Variants in CAD observed in about 807,000 individuals in gnomAD.
CAD encodes the protein multifunctional protein CAD.
Under a neutral mutation model 237.2 loss-of-function variants are expected in CAD, and 81 were observed. The ratio of observed to expected loss-of-function variants is 0.34; its 90% CI spans 0.29 to 0.41. The LOEUF (loss-of-function observed/expected upper bound fraction) is 0.41. Ranked by LOEUF, CAD falls within the 10% of genes least tolerant of loss-of-function variation. CAD has a pLI of 1.00. For missense variants in CAD, 2,181 were observed against 2,951.7 expected, an observed-to-expected ratio of 0.74 and a Z score of 6.05; for synonymous variants, 1,196 against 1,162.8, an observed-to-expected ratio of 1.03 and a Z score of -0.58.
chr2:27,237,212 C>G lies in CAD; in HGVS notation c.4397-167C>G, dbSNP rs369888225. Among the ~76,000 whole-genome samples the G allele has an allele frequency of 2.0e-5, 3 of 151,812 alleles. No homozygotes were observed. Among genetic ancestry groups the G allele is most frequent in the African/African-American group, 2.4e-5 (1 of 41,324 alleles). On this transcript the variant is annotated intron_variant, in intron 27 of 43. Coordinates refer to ENST00000264705, the MANE Select transcript of CAD (RefSeq NM_004341.5). The surrounding 1 kb of genome is among the most constrained non-coding windows in gnomAD (Gnocchi z 4.0). ...CTAATTTTTGTGTTTTTAGTAGAGA[C>G]GGGGTTTCACCATGTTGGTCAGGTT...
At position 27,233,236 on chromosome 2, in the gene CAD, G is replaced by A; in HGVS notation, c.2992-76G>A. On this transcript the variant is annotated intron_variant, in intron 19 of 43. Transcript: ENST00000264705. This position sits in a 1 kb window ranked among gnomAD's most constrained non-coding sequence, Gnocchi z 6.3. ...TTCTTTGAAACTTGGTGGCGGCTGA[G>A]GGAAGCAGTGAGCAGGAAGGCTCAG... The A allele has an allele frequency of 6.6e-7, 1 of 1,520,244 alleles. No homozygotes were observed. Among genetic ancestry groups the A allele is most frequent in the African/African-American group, 1.4e-5 (1 of 73,138 alleles). 94.2% of individuals were successfully genotyped at this position (1,520,244 alleles called of 1,614,324 possible).
chr2:27,225,654 C>T (rs767385997), intron 11 of CAD, 51 bp from the exon 12 acceptor site: 24 of 1,363,708 alleles, frequency 1.8e-5, no homozygotes, highest in Non-Finnish European at 2.4e-5. Context: ...GACAGGCACA[C>T]CTTGGACAGT....
At chr2:27,227,519 T>C (rs1317369073) in intron 15 of CAD, 4 of 152,456 alleles carry the variant, frequency 2.6e-5, no homozygotes, top group Admixed American at 6.5e-5. Context: ...TTTAGAGCAG[T>C]AGTGGCCTTT....
chr2:27,238,132 T>C lies in CAD; in HGVS notation c.4805T>C (p.Val1602Ala). The C allele has an allele frequency of 6.2e-7, 1 of 1,614,186 alleles. No individual in the cohort carries two copies. Among genetic ancestry groups the C allele is most frequent in the Non-Finnish European group, 8.5e-7 (1 of 1,180,030 alleles). ...CAAACCGTGGCTGCTGTCCTCATGG[T>C]GGCTCAGCTCACTCAGCGCTCAGTG... is the stretch of plus-strand genomic sequence containing the variant. ...EQQTVAAVLMVAQLTQRSVHI... is the reference protein window; with the variant it reads ...EQQTVAAVLMAAQLTQRSVHI... Residue 1602 changes from valine to alanine, a missense_variant, in exon 30 of 44, where the codon GTG becomes GCG. By Grantham distance (64) the Val-to-Ala change is moderately conservative. Transcript: ENST00000264705.
intron 5 of CAD, 69 bp from the exon 6 acceptor site, chr2:27,222,797 G>C: frequency 2.5e-6 from 4 of 1,581,970 alleles, no homozygotes; most frequent in South Asian, 1.1e-5. Context: ...TCATGGGCTG[G>C]GGGGGCTGCA....
rs1676007229 is a variant in CAD, at chr2:27,236,468, C to T, written c.4259C>T (p.Ala1420Val). The T allele has an allele frequency of 6.2e-7, 1 of 1,613,808 alleles. No individual in the cohort carries two copies. The highest frequency in any genetic ancestry group is 8.5e-7 in the Non-Finnish European group (1 of 1,180,048). Residue 1420 changes from alanine (A) to valine (V), a missense_variant, in exon 26 of 44, where the codon GCT (alanine) becomes GTT (valine). This residue lies in a region of CAD where 306 missense variants were observed against 607.9 expected (regional missense o/e 0.50). Coordinates refer to ENST00000264705, the MANE Select transcript of CAD (RefSeq NM_004341.5). This position sits in a 1 kb window ranked among gnomAD's most constrained non-coding sequence, Gnocchi z 4.1. ...TKGYRTRRLA[A>V]DFSVPLIIDI... Reference sequence around the variant, plus strand: ...GGCTACCGCACCCGACGCTTGGCCGCTGACTTCTCCGTGCCCCTAATCATC... The same window carrying T: ...GGCTACCGCACCCGACGCTTGGCCGTTGACTTCTCCGTGCCCCTAATCATC...
intron 15 of CAD, among the ~76,000 whole-genome samples, chr2:27,228,258 C>T (rs1439070550): frequency 6.6e-6 from 1 of 152,134 alleles, no homozygotes; most frequent in Admixed American, 6.5e-5. Flanking sequence ...AAATAGAAAT[C>T]TAGTTAAATG....
At chr2:27,220,814 C>T (rs977541101) in intron 2 of CAD, among the ~76,000 whole-genome samples, 9 of 151,856 alleles carry the variant, frequency 5.9e-5, no homozygotes, top group Non-Finnish European at 7.4e-5. Flanking sequence ...AAAAATTAGC[C>T]GGGTGTGGTG....
At chr2:27,229,091 G>A (rs1165967305) in intron 15 of CAD, among the ~76,000 whole-genome samples, 1 of 150,980 alleles carries the variant, frequency 6.6e-6, no homozygotes, top group African/African-American at 2.4e-5. Context: ...GCTAATTTTT[G>A]TATTTTTAGT....
In CAD at chr2:27,223,029, C is replaced by G; in HGVS notation, c.801C>G (p.Tyr267Ter). 6.2e-7 allele frequency: 1 copy of G among 1,613,992 alleles called. No homozygotes were observed. The highest frequency in any genetic ancestry group is 1.1e-5 in the South Asian group (1 of 91,076). The change falls in exon 6 of 44, where the codon TAC becomes TAG. Residue 267 changes from tyrosine to a stop codon, truncating the protein, a stop_gained. Coordinates refer to ENST00000264705, the MANE Select transcript of CAD (RefSeq NM_004341.5). LOFTEE classifies it high-confidence loss of function. ...CCTTAGCCATTGGGGCCAAGACTTA[C>G]AAGATGAGGTGGGACTTGTGGGGAG... ...LLALAIGAKT[Y>*]KMRYGNRGHN...
rs1407236290 is a variant in CAD at position 27,217,436 on chromosome 2, C to A, written c.-116C>A. ...TGCCGCGCCCGGCTTCTCTCCAGCG[C>A]CCCGCGCCGTTAGCCACGTGGACCG... is the stretch of plus-strand genomic sequence containing the variant. On this transcript the variant is annotated 5_prime_UTR_variant, in exon 1 of 44. Coordinates refer to ENST00000264705, the MANE Select transcript of CAD (RefSeq NM_004341.5). 2 of 908,526 alleles carry A rather than the reference C, an allele frequency of 2.2e-6. No homozygotes were observed. Among genetic ancestry groups the A allele is most frequent in the Admixed American group, 2.0e-5 (1 of 49,708 alleles). The allele number at this position is 908,526 out of a possible 1,614,324, so 56.3% of individuals were successfully genotyped here.
rs369246319 is a variant in CAD at position 27,242,174 on chromosome 2, G to T, written c.6096+51G>T. On this transcript the variant is annotated intron_variant, in intron 39 of 43. Coordinates refer to ENST00000264705, the MANE Select transcript of CAD (RefSeq NM_004341.5). The surrounding 1 kb of genome is among the most constrained non-coding windows in gnomAD (Gnocchi z 6.4). ...GGGGTTAAGAAGGCTGGACCCAGGG[G>T]CATGAGAACCCTTCTGCCCACGTTT... The T allele has an allele frequency of 1.9e-6, 3 of 1,597,628 alleles. No individual in the cohort carries two copies. The highest frequency in any genetic ancestry group is 1.1e-5 in the South Asian group (1 of 90,370).
At chr2:27,218,069 A>C (rs1674957615) in intron 2 of CAD, 53 bp downstream of exon 2, 30 of 1,499,976 alleles carry the variant, frequency 2.0e-5, no homozygotes, top group Non-Finnish European at 2.6e-5. Context: ...GTAATTGTTA[A>C]CTATTAGTGA....
intron 30 of CAD, 111 bp downstream of exon 30, chr2:27,238,298 G>A (rs1244051418): frequency 1.4e-6 from 2 of 1,478,154 alleles, no homozygotes; most frequent in Non-Finnish European, 1.8e-6. Flanking sequence ...GAGACAGCAG[G>A]AGGAGGGTCT....
chr2:27,239,094 A>C lies in CAD; in HGVS notation c.5115A>C (p.Pro1705=), dbSNP rs777081920. 5.9e-5 allele frequency: 95 copies of C among 1,603,780 alleles called. No homozygotes were observed. The highest frequency in any genetic ancestry group is 7.8e-5 in the Non-Finnish European group (92 of 1,175,718). The stretch of plus-strand genomic sequence containing the variant: ...GGTCCAGGCCCCCACCTGGGTTCCC[A>C]GGGTTAGAGACCATGCTGCCACTAC... ...KCGSRPPPGF[P]GLETMLPLLL... The change falls in exon 32 of 44, where the codon CCA becomes CCC. Residue 1705 remains proline (P), a synonymous_variant. Transcript: ENST00000264705. The surrounding 1 kb of genome is among the most constrained non-coding windows in gnomAD (Gnocchi z 4.0).
chr2:27,218,116 G>A (rs1674961774), intron 2 of CAD, 100 bp downstream of exon 2: 5 of 1,036,750 alleles, frequency 4.8e-6, no homozygotes, highest in Non-Finnish European at 6.9e-6. Context: ...GCATCCTGCA[G>A]AAAACATACC....
In CAD at chr2:27,243,915, C is replaced by G; in HGVS notation, c.*397C>G. The stretch of plus-strand genomic sequence containing the variant: ...ACACTCGGCATTTTCACACTCGTGA[C>G]TCTTTGGGACTCGGCAGGAGCGTGT... On this transcript the variant is annotated 3_prime_UTR_variant, in exon 44 of 44. Coordinates refer to ENST00000264705, the MANE Select transcript of CAD (RefSeq NM_004341.5). 5.1e-6 allele frequency: 1 copy of G among 195,490 alleles called. No homozygotes were observed. Among genetic ancestry groups the G allele is most frequent in the South Asian group, 1.1e-4 (1 of 9,194 alleles). The allele number at this position is 195,490 out of a possible 1,614,324, so 12.1% of individuals were successfully genotyped here.
rs761347847 is a variant in CAD at position 27,217,528 on chromosome 2, C to T, written c.-24C>T. On this transcript the variant is annotated 5_prime_UTR_variant, in exon 1 of 44. Coordinates refer to ENST00000264705, the MANE Select transcript of CAD (RefSeq NM_004341.5). ...AGTCCTTCCCGCTTCTCCGTACTCG[C>T]CCCCGCCTCTGAGCTCCCTTCCCAT... 2.5e-6 allele frequency: 4 copies of T among 1,581,854 alleles called. No homozygotes were observed. The South Asian group carries it at 4.6e-5, about 18-fold the overall frequency.
intron 3 of CAD, among the ~76,000 whole-genome samples, chr2:27,221,658 G>A (rs984023670): frequency 4.7e-5 from 7 of 149,438 alleles, no homozygotes; most frequent in African/African-American, 1.7e-4. Flanking sequence ...CTATGCAAAA[G>A]GAATCTTTAA....
Sources: gnomAD v4.1 joint callset for allele counts (sites outside exome capture counted in the v4.1 genomes callset) on GRCh38, gnomAD v4.1.1 for gene constraint, gnomAD v4.1.1 regional missense constraint, Gnocchi (gnomAD v3.1) non-coding constraint, MANE v1.5 for transcripts, NCBI Gene and HGNC (gene_info 2026-07-23, HGNC 2026-07-21) for gene names.